Variants in MXRA7 observed in about 807,000 individuals in gnomAD.
The protein encoded by MXRA7 is matrix-remodeling-associated protein 7.
Under a neutral mutation model 17.4 loss-of-function variants are expected in MXRA7, and 18 were observed. That is an observed-to-expected ratio of 1.03 (90% confidence interval 0.71 to 1.53). The LOEUF (loss-of-function observed/expected upper bound fraction) is 1.53. MXRA7 is among the 40% of genes most tolerant of loss of function. MXRA7 has a pLI of 0.00. For missense variants in MXRA7, 141 were observed against 209.3 expected (o/e 0.67, Z 2.01); for synonymous variants, 70 against 101.7 (o/e 0.69, Z 1.87).
rs952116307 is a variant in MXRA7 at position 76,710,932 on chromosome 17, G to C, written c.15C>G (p.Ala5=). MEAP[A]ELLAALPALA... The stretch of plus-strand genomic sequence containing the variant: ...GCGCAGGCAGCGCGGCCAGTAGCTC[G>C]GCCGGCGCCTCCATCGCGCCGCGGC... The change falls in exon 1 of 4, where the codon GCC becomes GCG. Residue 5 remains alanine (A), a synonymous_variant. Transcript: ENST00000449428. 10 of 996,486 alleles carry C rather than the reference G, an allele frequency of 1.0e-5. No homozygotes were observed. Among genetic ancestry groups the C allele is most frequent in the African/African-American group, 1.8e-5 (1 of 56,822 alleles). The allele number at this position is 996,486 out of a possible 1,614,324, so 61.7% of individuals were successfully genotyped here. A position where few individuals can be genotyped will look rare whatever the true frequency, so the allele number is the denominator to read the frequency against.
At chr17:76,688,422 C>T (rs780717923) in intron 1 of MXRA7, 26 of 1,369,964 alleles carry the variant, frequency 1.9e-5, no homozygotes, top group East Asian at 2.8e-5. Context: ...CCCAAGCCCT[C>T]GGCCTTGGCC....
intron 1 of MXRA7, among the ~76,000 whole-genome samples, chr17:76,709,049 C>T (rs898318756): frequency 6.6e-6 from 1 of 152,112 alleles, no homozygotes; most frequent in African/African-American, 2.4e-5. Flanking sequence ...CTGTAGGTAC[C>T]ATGTGCTGAG....
At chr17:76,708,127 C>T (rs544782063) in intron 1 of MXRA7, among the ~76,000 whole-genome samples, 1 of 152,324 alleles carries the variant, frequency 6.6e-6, no homozygotes, top group African/African-American at 2.4e-5. Context: ...AAGAGGGCAC[C>T]GTGCACTAGG....
At chr17:76,708,633 G>A (rs2076687833) in intron 1 of MXRA7, among the ~76,000 whole-genome samples, 1 of 152,150 alleles carries the variant, frequency 6.6e-6, no homozygotes, top group African/African-American at 2.4e-5. Context: ...AGCTCATCAA[G>A]ACAATTTCTA....
In MXRA7 at chr17:76,681,273, G is replaced by T. The variant is rs2076299911; in HGVS notation, c.501-394C>A. On this transcript the variant is annotated intron_variant, in intron 3 of 3. Coordinates refer to ENST00000449428, the MANE Select transcript of MXRA7 (RefSeq NM_198530.4). The surrounding 1 kb of genome is among the most constrained non-coding windows in gnomAD (Gnocchi z 4.7). ...TTCCCATTCCCGCTGGCTGAGTTTT[G>T]TCCCCTCGGGGGATACTGGCACCCT... is the stretch of plus-strand genomic sequence containing the variant. Among the ~76,000 whole-genome samples the T allele has an allele frequency of 6.6e-6, 1 of 151,990 alleles. No individual in the cohort carries two copies. Among genetic ancestry groups the T allele is most frequent in the South Asian group, 2.1e-4 (1 of 4,808 alleles).
intron 1 of MXRA7, among the ~76,000 whole-genome samples, chr17:76,710,318 G>A (rs1234118807): frequency 6.6e-6 from 1 of 152,232 alleles, no homozygotes; most frequent in Non-Finnish European, 1.5e-5. Flanking sequence ...AGCAGCTGCG[G>A]AGCACGCCCT....
At chr17:76,682,405 TGTGGTTTTA>T (rs1426380997) in intron 3 of MXRA7, among the ~76,000 whole-genome samples, 1 of 152,168 alleles carries the variant, frequency 6.6e-6, no homozygotes, top group Non-Finnish European at 1.5e-5. Flanking sequence ...CTAGCTGGCC[TGTGGTTTTA>T]GTGGTTTGAT....
At chr17:76,692,680 G>A (rs7225592) in intron 1 of MXRA7, among the ~76,000 whole-genome samples, 48,118 of 151,080 alleles carry the variant, frequency 0.32, 8,060 homozygotes, top group Non-Finnish European at 0.38. Flanking sequence ...TGAAGTTTGA[G>A]GCTTTAATAA....
chr17:76,701,400 G>A (rs767406148), intron 1 of MXRA7, among the ~76,000 whole-genome samples: 49 of 152,028 alleles, frequency 3.2e-4, no homozygotes, highest in Non-Finnish European at 5.6e-4. Flanking sequence ...CCGGGTGGAG[G>A]GGCAGCAGAA....
intron 1 of MXRA7, among the ~76,000 whole-genome samples, chr17:76,691,923 C>T (rs1217560344): frequency 1.3e-5 from 2 of 152,166 alleles, no homozygotes. Context: ...AGCTCGTGGT[C>T]CAGTAGGAAA....
chr17:76,706,212 A>ATCACAGAGGCCCACGCTGCCG (rs2076654941), intron 1 of MXRA7, among the ~76,000 whole-genome samples: 2 of 43,940 alleles, frequency 4.6e-5, no homozygotes, highest in Non-Finnish European at 6.8e-5. Flanking sequence ...CCACGCTGCC[A>ATCACAGAGGCCCACGCTGCCG]TCACAAAGGC....
Position 76,683,859 on chromosome 17 carries a change from C to G in MXRA7, c.500+1213G>C, listed in dbSNP as rs183901071. ...TCAGTGTCCTTACCAAAAGGATTTG[C>G]AAGAATATTTGTGGCTCAGGACCTA... On this transcript the variant is annotated intron_variant, in intron 3 of 3. Coordinates refer to ENST00000449428, the MANE Select transcript of MXRA7 (RefSeq NM_198530.4). The G allele has an allele frequency of 3.0e-5, 48 of 1,613,770 alleles. No individual in the cohort carries two copies. In the East Asian group the frequency reaches 1.0e-3, roughly 35 times the overall value.
rs1370426880 is a variant in MXRA7, at chr17:76,710,899, G to C, written c.48C>G (p.Thr16=). 4.0e-6 allele frequency: 4 copies of C among 999,802 alleles called. No homozygotes were observed. Among genetic ancestry groups the C allele is most frequent in the Non-Finnish European group, 4.8e-6 (4 of 842,014 alleles). 61.9% of individuals were successfully genotyped at this position (999,802 alleles called of 1,614,324 possible). A position where few individuals can be genotyped will look rare whatever the true frequency, so the allele number is the denominator to read the frequency against. ...GCCAGGCGAGCAGAAGGGCCAGCGCGGTGGCCAGCGCAGGCAGCGCGGCCA... is the reference window on the plus strand; with the variant it reads ...GCCAGGCGAGCAGAAGGGCCAGCGCCGTGGCCAGCGCAGGCAGCGCGGCCA... The part of the protein sequence containing the change: ...ELLAALPALA[T]ALALLLAWLL... Residue 16 remains threonine, a synonymous_variant, in exon 1 of 4, where the codon ACC becomes ACG. Transcript: ENST00000449428.
chr17:76,675,856 G>A (rs1381707252), downstream of MXRA7: 1 of 152,154 alleles, frequency 6.6e-6, no homozygotes, highest in Non-Finnish European at 1.5e-5. Flanking sequence ...AGGCGACGGC[G>A]GGAAGTTAAC....
intron 1 of MXRA7, among the ~76,000 whole-genome samples, chr17:76,698,712 GTTTTTTTTT>G (rs3078394): frequency 7.5e-4 from 41 of 54,920 alleles, no homozygotes; most frequent in Admixed American, 3.3e-3. Flanking sequence ...CTTCCTTTCT[GTTTTTTTTT>G]TTTTTTTTTT....
At chr17:76,696,411 C>T (rs942737914) in intron 1 of MXRA7, among the ~76,000 whole-genome samples, 19 of 151,986 alleles carry the variant, frequency 1.3e-4, no homozygotes, top group African/African-American at 4.6e-4. Context: ...GCCCCAGATA[C>T]TTCGGAGGCT....
chr17:76,707,556 G>C (rs995972498), intron 1 of MXRA7, among the ~76,000 whole-genome samples: 1 of 151,968 alleles, frequency 6.6e-6, no homozygotes, highest in African/African-American at 2.4e-5. Context: ...CTCCTGCCTC[G>C]GCCTCCCAAA....
At chr17:76,696,017 C>A (rs1016007058) in intron 1 of MXRA7, among the ~76,000 whole-genome samples, 3 of 151,954 alleles carry the variant, frequency 2.0e-5, no homozygotes, top group Non-Finnish European at 4.4e-5. Flanking sequence ...ATCTCTTGAA[C>A]CCAGGAGGCG....
chr17:76,685,250 A>G (rs532320184), intron 2 of MXRA7, 85 bp from the exon 3 acceptor site: 1 of 962,192 alleles, frequency 1.0e-6, no homozygotes, highest in Admixed American at 1.8e-5. Context: ...AGGTTTAAAA[A>G]GAAACACCTC....
Sources: allele counts gnomAD v4.1 joint callset (sites outside exome capture counted in the v4.1 genomes callset), GRCh38; gene constraint gnomAD v4.1.1; non-coding constraint Gnocchi (gnomAD v3.1); transcripts MANE v1.5; gene names NCBI Gene and HGNC (gene_info 2026-07-23, HGNC 2026-07-21).